The following PRRG4 variants were observed in gnomAD, a reference collection of about 807,000 sequenced individuals.
PRRG4 encodes proline rich and Gla domain 4.
Under a neutral mutation model 20.0 loss-of-function variants are expected in PRRG4, and 12 were observed. The observed-to-expected ratio is 0.60, with a 90% CI of 0.38 to 0.97. The LOEUF is 0.97. Ranked by LOEUF, PRRG4 falls within the 50% of genes least tolerant of loss-of-function variation. The pLI, the probability that PRRG4 is intolerant of heterozygous loss-of-function variation, is 0.00. For synonymous variants in PRRG4, 94 were observed against 96.4 expected, an observed-to-expected ratio of 0.98 and a Z score of 0.15; for missense variants, 199 against 265.1, an observed-to-expected ratio of 0.75 and a Z score of 1.73.
At chr11:32,829,828 G>C, upstream of PRRG4, 1 of 985,398 alleles carries the variant, frequency 1.0e-6, no homozygotes, top group Non-Finnish European at 1.2e-6. Context: ...GGGCTCCCGG[G>C]AGACGCCGGC....
At chr11:32,830,702 G>A in intron 2 of PRRG4, 70 bp downstream of exon 2, 1 of 1,604,556 alleles carries the variant, frequency 6.2e-7, no homozygotes, top group African/African-American at 1.3e-5. Context: ...TGCAGTATTT[G>A]AAATTACATA....
In PRRG4 at chr11:32,853,403, T is replaced by C; in HGVS notation, c.557T>C (p.Leu186Ser). The change falls in exon 6 of 6, where the codon TTA (leucine) becomes TCA (serine). Residue 186 changes from leucine (L) to serine (S), a missense_variant. Physicochemically the swap from Leu to Ser is moderately radical, Grantham distance 145. Transcript: ENST00000257836. ...CCGCCTTCTGTGGAGGATGCAGGAT[T>C]ACCTTCTTATGAACAGGCAGTGGCG... ...PLPPSVEDAG[L>S]PSYEQAVALT... 4 of 1,614,104 alleles carry C rather than the reference T, an allele frequency of 2.5e-6. No individual in the cohort carries two copies. Among genetic ancestry groups the C allele is most frequent in the Non-Finnish European group, 3.4e-6 (4 of 1,180,020 alleles).
chr11:32,841,676 G>A (rs887342612), intron 5 of PRRG4, among the ~76,000 whole-genome samples: 1 of 152,028 alleles, frequency 6.6e-6, no homozygotes, highest in African/African-American at 2.4e-5. Context: ...TGGGCACGGT[G>A]GCCTGAGGCT....
intron 1 of PRRG4, 24 bp from the exon 2 acceptor site, chr11:32,830,484 A>C: frequency 2.8e-6 from 4 of 1,422,218 alleles, no homozygotes; most frequent in Non-Finnish European, 3.7e-6. Flanking sequence ...TTTTTTTTTT[A>C]ATATTTTTTT....
At chr11:32,837,195 C>T (rs1311280019) in intron 3 of PRRG4, among the ~76,000 whole-genome samples, 1 of 152,120 alleles carries the variant, frequency 6.6e-6, no homozygotes, top group East Asian at 1.9e-4. Flanking sequence ...CTAACTCAGG[C>T]TTCAATCATT....
intron 5 of PRRG4, among the ~76,000 whole-genome samples, chr11:32,848,887 A>G (rs1752371321): frequency 6.6e-6 from 1 of 151,118 alleles, no homozygotes; most frequent in South Asian, 2.1e-4. Context: ...CAGGAGAATC[A>G]CTCAAACTAG....
At chr11:32,830,825 TGA>T in intron 2 of PRRG4, among the ~76,000 whole-genome samples, 193 bp downstream of exon 2, 1 of 152,190 alleles carries the variant, frequency 6.6e-6, no homozygotes, top group Non-Finnish European at 1.5e-5. Flanking sequence ...TTGATGTCTG[TGA>T]GTCTCCTTTA....
At chr11:32,832,640 C>T (rs1482923137) in intron 2 of PRRG4, among the ~76,000 whole-genome samples, 1 of 152,038 alleles carries the variant, frequency 6.6e-6, no homozygotes, top group African/African-American at 2.4e-5. Flanking sequence ...ACCACTGTCC[C>T]AGCTAATTTA....
chr11:32,840,004 T>C lies in PRRG4; in HGVS notation c.317-103T>C, dbSNP rs888726243. On this transcript the variant is annotated intron_variant, in intron 4 of 5. Coordinates refer to ENST00000257836, the MANE Select transcript of PRRG4 (RefSeq NM_024081.6). The surrounding 1 kb of genome is among the most constrained non-coding windows in gnomAD (Gnocchi z 4.1). ...CTTGAAAGAAGTCAACATCAATGAT[T>C]AGATGCTGTATAATGTGTTTAGAAC... 1 of 755,876 alleles carries C rather than the reference T, an allele frequency of 1.3e-6. No homozygotes were observed. 46.8% of individuals were successfully genotyped at this position (755,876 alleles called of 1,614,324 possible). A position where few individuals can be genotyped will look rare whatever the true frequency, so the allele number is the denominator to read the frequency against.
At chr11:32,845,535 G>A (rs1388310057) in intron 5 of PRRG4, among the ~76,000 whole-genome samples, 1 of 151,992 alleles carries the variant, frequency 6.6e-6, no homozygotes, top group Non-Finnish European at 1.5e-5. Context: ...GGGAGGCTGA[G>A]GCAGGAGAGT....
At chr11:32,831,740 C>T (rs956425920) in intron 2 of PRRG4, among the ~76,000 whole-genome samples, 13 of 152,226 alleles carry the variant, frequency 8.5e-5, no homozygotes, top group South Asian at 2.1e-4. Flanking sequence ...GAGACACTCT[C>T]GCCGGCACGG....
rs532211710 is a variant in PRRG4, at chr11:32,853,573, CG to C, written c.*49del. On this transcript the variant is annotated 3_prime_UTR_variant, in exon 6 of 6. Coordinates refer to ENST00000257836, the MANE Select transcript of PRRG4 (RefSeq NM_024081.6). ...AAGAAATTTGTGTTATTTGATAGGCCGGGCATGGTGGCTCATGCCTGTAATC... is the reference window on the plus strand; with the variant it reads ...AAGAAATTTGTGTTATTTGATAGGCCGGCATGGTGGCTCATGCCTGTAATC... 4.5e-4 allele frequency: 671 copies of C among 1,475,826 alleles called. No individual in the cohort carries two copies. The African/African-American group carries it at 5.4e-3, about 12-fold the overall frequency. The allele number at this position is 1,475,826 out of a possible 1,614,324, so 91.4% of individuals were successfully genotyped here.
In PRRG4 at chr11:32,840,299, A is replaced by G; in HGVS notation, c.449+60A>G. On this transcript the variant is annotated intron_variant, in intron 5 of 5. Transcript: ENST00000257836. This position sits in a 1 kb window ranked among gnomAD's most constrained non-coding sequence, Gnocchi z 4.1. ...AGACATTCTATATTATTATTTTAAC[A>G]ATGGGTCAAGCAAATGGCTGCCTAT... is the stretch of plus-strand genomic sequence containing the variant. The G allele has an allele frequency of 7.9e-7, 1 of 1,262,196 alleles. No individual in the cohort carries two copies. The highest frequency in any genetic ancestry group is 1.5e-5 in the South Asian group (1 of 68,216). 78.2% of individuals were successfully genotyped at this position (1,262,196 alleles called of 1,614,324 possible).
intron 5 of PRRG4, among the ~76,000 whole-genome samples, chr11:32,849,578 C>T (rs781438906): frequency 2.2e-4 from 34 of 152,016 alleles, no homozygotes; most frequent in African/African-American, 7.2e-4. Flanking sequence ...GCAGGAGAAA[C>T]GCTTGAACCC....
At chr11:32,839,889 T>A (rs1851061971) in intron 4 of PRRG4, among the ~76,000 whole-genome samples, 2 of 147,582 alleles carry the variant, frequency 1.4e-5, no homozygotes, top group Non-Finnish European at 3.0e-5. Context: ...ATAAATATAT[T>A]TATATTTTAA....
intron 1 of PRRG4, 78 bp downstream of exon 1, chr11:32,830,251 C>T: frequency 9.6e-7 from 1 of 1,042,206 alleles, no homozygotes; most frequent in Non-Finnish European, 1.2e-6. Context: ...GGGTTGGATT[C>T]GAACACATAG....
chr11:32,853,018 G>A (rs1851197419), intron 5 of PRRG4, among the ~76,000 whole-genome samples: 2 of 139,118 alleles, frequency 1.4e-5, no homozygotes, highest in Admixed American at 1.6e-4. Flanking sequence ...TTGATCTCCT[G>A]ACCTCATGAT....
At chr11:32,843,063 C>T (rs1355954630) in intron 5 of PRRG4, among the ~76,000 whole-genome samples, 1 of 151,954 alleles carries the variant, frequency 6.6e-6, no homozygotes, top group Non-Finnish European at 1.5e-5. Flanking sequence ...GGCTAGTCTC[C>T]AACTCCTGGC....
intron 3 of PRRG4, among the ~76,000 whole-genome samples, chr11:32,837,705 A>T (rs1002664035): frequency 6.6e-6 from 1 of 151,738 alleles, no homozygotes; most frequent in Admixed American, 6.6e-5. Flanking sequence ...CTACAGGCAC[A>T]TGCCACCACG....
Sources: allele counts gnomAD v4.1 joint callset (sites outside exome capture counted in the v4.1 genomes callset), GRCh38; gene constraint gnomAD v4.1.1; non-coding constraint Gnocchi (gnomAD v3.1); transcripts MANE v1.5; gene names NCBI Gene and HGNC (gene_info 2026-07-23, HGNC 2026-07-21).